The following PRKCE variants were observed in gnomAD, a reference collection of about 807,000 sequenced individuals.
PRKCE encodes the protein protein kinase C epsilon.
Under a neutral mutation model 85.4 loss-of-function variants are expected in PRKCE, and 16 were observed. The ratio of observed to expected loss-of-function variants is 0.19; its 90% CI spans 0.13 to 0.28. The LOEUF (loss-of-function observed/expected upper bound fraction) is 0.28, where lower values mean the gene tolerates loss of function less well. PRKCE is among the 10% of genes least tolerant of loss of function. The pLI is 1.00. For missense variants in PRKCE, 573 were observed against 975.2 expected, an observed-to-expected ratio of 0.59 and a Z score of 5.49; for synonymous variants, 388 against 371.5, an observed-to-expected ratio of 1.04 and a Z score of -0.51.
chr2:46,000,213 G>A (rs377069600), intron 6 of PRKCE, among the ~76,000 whole-genome samples: 3 of 150,952 alleles, frequency 2.0e-5, no homozygotes, highest in African/African-American at 7.3e-5. Context: ...ATTATATACC[G>A]GGTAAAAGGA....
At chr2:46,179,792 G>A (rs1679787137) in intron 14 of PRKCE, among the ~76,000 whole-genome samples, 1 of 152,088 alleles carries the variant, frequency 6.6e-6, no homozygotes, top group Non-Finnish European at 1.5e-5. Context: ...GCCTAGTGAT[G>A]GTCTGGGATG....
chr2:45,968,598 A>C (rs544939069), intron 2 of PRKCE, among the ~76,000 whole-genome samples: 85 of 152,384 alleles, frequency 5.6e-4, no homozygotes, highest in Non-Finnish European at 1.0e-3. Context: ...CTGTGCAACC[A>C]AAAACCATTT....
chr2:46,000,113 G>C (rs568128881), intron 6 of PRKCE, among the ~76,000 whole-genome samples: 1 of 151,202 alleles, frequency 6.6e-6, no homozygotes, highest in African/African-American at 2.4e-5. Context: ...TCTGATGTTT[G>C]CCTTGTCACT....
intron 2 of PRKCE, among the ~76,000 whole-genome samples, chr2:45,944,796 T>C (rs1345237423): frequency 6.6e-6 from 1 of 151,300 alleles, no homozygotes; most frequent in Non-Finnish European, 1.5e-5. Context: ...GCCACTGTGC[T>C]GGGCAATCCT....
chr2:46,076,517 T>C (rs891709155), intron 10 of PRKCE, among the ~76,000 whole-genome samples: 1 of 152,198 alleles, frequency 6.6e-6, no homozygotes, highest in Non-Finnish European at 1.5e-5. Context: ...GTGAGTCAGT[T>C]TGGCGCAGCT....
In PRKCE at chr2:45,832,001, T is replaced by G. The variant is rs565651951; in HGVS notation, c.349-10999T>G. The stretch of plus-strand genomic sequence containing the variant: ...ATGTATATTTAAACTAAATGATTTT[T>G]AAGGCATTTCTGACTCCTAAATTTC... On this transcript the variant is annotated intron_variant, in intron 1 of 14. Transcript: ENST00000306156. Among the ~76,000 whole-genome samples, 7 of 152,364 alleles carry G rather than the reference T, an allele frequency of 4.6e-5. No homozygotes were observed. The South Asian group carries it at 1.2e-3, about 27-fold the overall frequency.
intron 1 of PRKCE, among the ~76,000 whole-genome samples, chr2:45,812,596 G>C (rs1033688867): frequency 6.6e-6 from 1 of 152,222 alleles, no homozygotes; most frequent in Non-Finnish European, 1.5e-5. Flanking sequence ...TCACAAGCTT[G>C]TGATGAGGAT....
At chr2:45,740,083 G>C (rs998121268) in intron 1 of PRKCE, among the ~76,000 whole-genome samples, 1 of 151,632 alleles carries the variant, frequency 6.6e-6, no homozygotes, top group African/African-American at 2.4e-5. Flanking sequence ...CTGGGAGGCT[G>C]AGGCTGGGGG....
intron 10 of PRKCE, among the ~76,000 whole-genome samples, chr2:46,024,172 G>T (rs1015943134): frequency 3.9e-5 from 6 of 152,194 alleles, no homozygotes; most frequent in African/African-American, 7.2e-5. Flanking sequence ...TTATACTGGG[G>T]TGACTGAACT....
chr2:45,749,150 A>G (rs1039233969), intron 1 of PRKCE, among the ~76,000 whole-genome samples: 5 of 152,176 alleles, frequency 3.3e-5, no homozygotes, highest in African/African-American at 1.2e-4. Flanking sequence ...TCAGCTTCTC[A>G]AAGTGCTTGG....
intron 1 of PRKCE, among the ~76,000 whole-genome samples, chr2:45,814,599 C>T (rs1038242454): frequency 1.3e-5 from 2 of 152,318 alleles, no homozygotes; most frequent in Middle Eastern, 3.4e-3. Flanking sequence ...ATGGGATACT[C>T]CCTCATCACC....
chr2:45,826,855 C>G (rs1209594821), intron 1 of PRKCE, among the ~76,000 whole-genome samples: 1 of 152,212 alleles, frequency 6.6e-6, no homozygotes, highest in East Asian at 1.9e-4. Context: ...AAATTACATT[C>G]AGAATCTGAC....
At chr2:45,756,309 C>T (rs931962803) in intron 1 of PRKCE, among the ~76,000 whole-genome samples, 1 of 152,222 alleles carries the variant, frequency 6.6e-6, no homozygotes, top group African/African-American at 2.4e-5. Context: ...GGGTATCCTG[C>T]TCCCAGGCTC....
At chr2:45,873,207 C>T (rs1329028801) in intron 2 of PRKCE, among the ~76,000 whole-genome samples, 1 of 152,210 alleles carries the variant, frequency 6.6e-6, no homozygotes, top group Non-Finnish European at 1.5e-5. Flanking sequence ...AAGCTTAAGA[C>T]AGTCCATGAA....
At chr2:45,947,346 C>T (rs1428900330) in intron 2 of PRKCE, among the ~76,000 whole-genome samples, 3 of 151,862 alleles carry the variant, frequency 2.0e-5, no homozygotes. Flanking sequence ...TGAGGGATGC[C>T]TGGTAAAGGG....
At chr2:45,851,105 C>G (rs1455083539) in intron 2 of PRKCE, among the ~76,000 whole-genome samples, 1 of 152,236 alleles carries the variant, frequency 6.6e-6, no homozygotes, top group Non-Finnish European at 1.5e-5. Context: ...CAGTAAATGA[C>G]AGCCACAAAC....
At chr2:45,972,449 G>T (rs931996060) in intron 2 of PRKCE, among the ~76,000 whole-genome samples, 2 of 152,056 alleles carry the variant, frequency 1.3e-5, no homozygotes, top group Non-Finnish European at 2.9e-5. Context: ...TTCCTTTGCT[G>T]TGCAGAAGCT....
chr2:45,816,907 G>A (rs952306515), intron 1 of PRKCE, among the ~76,000 whole-genome samples: 5 of 152,182 alleles, frequency 3.3e-5, no homozygotes, highest in Non-Finnish European at 7.3e-5. Flanking sequence ...CTGCTCGGGG[G>A]TTTTGTGAGG....
chr2:45,753,513 A>G (rs977238088), intron 1 of PRKCE, among the ~76,000 whole-genome samples: 6 of 152,204 alleles, frequency 3.9e-5, no homozygotes, highest in African/African-American at 1.4e-4. Context: ...AGTCATAATT[A>G]TGACCATTCA....
Sources: allele counts gnomAD v4.1 joint callset (sites outside exome capture counted in the v4.1 genomes callset), GRCh38; gene constraint gnomAD v4.1.1; transcripts MANE v1.5; gene names NCBI Gene and HGNC (gene_info 2026-07-23, HGNC 2026-07-21).